Variants in MCU observed in about 807,000 individuals in gnomAD.
The protein encoded by MCU is mitochondrial calcium uniporter, also known as calcium uniporter protein, mitochondrial.
MCU carries 12 observed loss-of-function variants against 45.2 expected under a neutral mutation model. That is an observed-to-expected ratio of 0.27 (90% CI 0.17 to 0.43). The LOEUF (loss-of-function observed/expected upper bound fraction) is 0.43. MCU is among the 20% of genes least tolerant of loss of function. MCU has a pLI of 1.00. For synonymous variants in MCU, 160 were observed against 165.1 expected (o/e 0.97, Z 0.24); for missense variants, 324 against 436.7 (o/e 0.74, Z 2.30).
intron 6 of MCU, among the ~76,000 whole-genome samples, chr10:72,875,643 A>C (rs1845606099): frequency 6.6e-6 from 1 of 152,216 alleles, no homozygotes; most frequent in African/African-American, 2.4e-5. Context: ...TGTTACTATG[A>C]GTTGCTGTAC....
chr10:72,811,232 G>A (rs1844538852), intron 1 of MCU, among the ~76,000 whole-genome samples: 1 of 152,248 alleles, frequency 6.6e-6, no homozygotes, highest in South Asian at 2.1e-4. Flanking sequence ...TGCCTTTTCA[G>A]TTCGGTTGTG....
At chr10:72,749,333 A>T (rs942813148) in intron 1 of MCU, among the ~76,000 whole-genome samples, 1 of 152,048 alleles carries the variant, frequency 6.6e-6, no homozygotes, top group East Asian at 1.9e-4. Context: ...CAGAGATTTT[A>T]AATGAGTGAT....
rs531885120 is a variant in MCU, at chr10:72,692,997, A to G, written c.150+696A>G. The G allele has an allele frequency of 3.1e-5, 48 of 1,535,042 alleles. No homozygotes were observed. The South Asian group carries it at 4.4e-4, about 14-fold the overall frequency. On this transcript the variant is annotated intron_variant, in intron 1 of 7. Coordinates refer to ENST00000373053, the MANE Select transcript of MCU (RefSeq NM_138357.3). ...GCTTTTGGGGGTCCTTTCGAGGGCT[A>G]CTGTATAAGCGTGTTCACGCGTGCC...
intron 1 of MCU, among the ~76,000 whole-genome samples, chr10:72,773,599 C>A (rs1380462460): frequency 6.6e-6 from 1 of 152,050 alleles, no homozygotes; most frequent in Non-Finnish European, 1.5e-5. Context: ...TTTTTTAAAA[C>A]TTGAAAAAGA....
At chr10:72,778,231 T>C (rs1843926971) in intron 1 of MCU, among the ~76,000 whole-genome samples, 1 of 152,164 alleles carries the variant, frequency 6.6e-6, no homozygotes, top group Non-Finnish European at 1.5e-5. Flanking sequence ...ACTCCTATGT[T>C]TAATGCAGCA....
intron 1 of MCU, among the ~76,000 whole-genome samples, chr10:72,821,402 G>A (rs2132816070): frequency 6.6e-6 from 1 of 152,204 alleles, no homozygotes; most frequent in Non-Finnish European, 1.5e-5. Context: ...TTTGAATAAT[G>A]TGTATTCCTT....
At chr10:72,783,141 C>T (rs1844020548) in intron 1 of MCU, among the ~76,000 whole-genome samples, 1 of 152,170 alleles carries the variant, frequency 6.6e-6, no homozygotes, top group Non-Finnish European at 1.5e-5. Context: ...ATGAAACCAC[C>T]GCATTGTGTG....
At chr10:72,769,417 A>G (rs1175395689) in intron 1 of MCU, among the ~76,000 whole-genome samples, 1 of 152,098 alleles carries the variant, frequency 6.6e-6, no homozygotes, top group Non-Finnish European at 1.5e-5. Flanking sequence ...GAAAGGTTTT[A>G]ATATTGATGA....
chr10:72,731,226 C>T (rs557934638), intron 1 of MCU: 12 of 152,272 alleles, frequency 7.9e-5, no homozygotes, highest in African/African-American at 2.9e-4. Flanking sequence ...CCACACCTGG[C>T]TGCCTTATTC....
chr10:72,741,251 C>A (rs374655031), intron 1 of MCU, among the ~76,000 whole-genome samples: 1 of 152,088 alleles, frequency 6.6e-6, no homozygotes. Flanking sequence ...AGGCGCCCAC[C>A]ACCACACCCG....
rs575446263 is a variant in MCU, at chr10:72,773,468, G to T, written c.151-60891G>T. The stretch of plus-strand genomic sequence containing the variant: ...AGAACAAAGAATGAAAAGGAACAAA[G>T]ACTGTATATAAGATATAGAAAATTA... On this transcript the variant is annotated intron_variant, in intron 1 of 7. Coordinates refer to ENST00000373053, the MANE Select transcript of MCU (RefSeq NM_138357.3). Among the ~76,000 whole-genome samples, 27 of 152,160 alleles carry T rather than the reference G, an allele frequency of 1.8e-4. No individual in the cohort carries two copies. In the South Asian group the frequency reaches 5.6e-3, roughly 32 times the overall value.
chr10:72,776,840 G>A (rs959295564), intron 1 of MCU, among the ~76,000 whole-genome samples: 1 of 152,120 alleles, frequency 6.6e-6, no homozygotes, highest in African/African-American at 2.4e-5. Flanking sequence ...ACAAAAAATT[G>A]TTAACACTGA....
intron 1 of MCU, among the ~76,000 whole-genome samples, chr10:72,695,837 A>G (rs765143302): frequency 6.6e-6 from 1 of 151,290 alleles, no homozygotes; most frequent in African/African-American, 2.4e-5. Flanking sequence ...CGGCCTCCCC[A>G]AGTAATGTGC....
chr10:72,766,524 C>CTACTAGA (rs1299656076), intron 1 of MCU: 15 of 152,188 alleles, frequency 9.9e-5, no homozygotes, highest in African/African-American at 3.6e-4. Context: ...GCTGCTTGGA[C>CTACTAGA]TACTAGAACC....
At chr10:72,759,847 TAC>T (rs879594207) in intron 1 of MCU, among the ~76,000 whole-genome samples, 51 of 152,190 alleles carry the variant, frequency 3.4e-4, no homozygotes, top group African/African-American at 7.2e-4. Context: ...CGTGTGAGAA[TAC>T]AGTGTGAAGG....
chr10:72,848,061 C>T (rs1459224717), intron 2 of MCU, among the ~76,000 whole-genome samples: 2 of 152,086 alleles, frequency 1.3e-5, no homozygotes, highest in African/African-American at 2.4e-5. Context: ...GCAGACCAGC[C>T]CTGATTTGAT....
intron 4 of MCU, among the ~76,000 whole-genome samples, chr10:72,862,587 A>G (rs971287677): frequency 2.0e-5 from 3 of 152,162 alleles, no homozygotes; most frequent in Admixed American, 2.0e-4. Context: ...TTTGTGCCCT[A>G]TGAGATCTAA....
At chr10:72,810,984 T>C (rs1226784331) in intron 1 of MCU, among the ~76,000 whole-genome samples, 2 of 152,192 alleles carry the variant, frequency 1.3e-5, no homozygotes, top group Admixed American at 6.5e-5. Context: ...GCCTGGAGAA[T>C]ATTGAAAAGA....
In MCU at chr10:72,878,111, CTTTTTTTTTTTT is replaced by C. The variant is rs10715401; in HGVS notation, c.862-6141_862-6130del. 1.0e-4 allele frequency among the ~76,000 whole-genome samples: 8 copies of C among 77,952 alleles called. No individual in the cohort carries two copies. The East Asian group carries it at 2.3e-3, about 22-fold the overall frequency. The allele number at this position is 77,952 out of a possible 152,430, so 51.1% of individuals were successfully genotyped here. ...TAAATTATTTCTACAAATAATTTTGCTTTTTTTTTTTTTTTTTTTTTTTTTGAGACAGAGTCC... is the reference window on the plus strand; with the variant it reads ...TAAATTATTTCTACAAATAATTTTGCTTTTTTTTTTTTTGAGACAGAGTCC... On this transcript the variant is annotated intron_variant, in intron 6 of 7. Transcript: ENST00000373053.
Sources: gnomAD v4.1 joint callset for allele counts (sites outside exome capture counted in the v4.1 genomes callset) on GRCh38, gnomAD v4.1.1 for gene constraint, MANE v1.5 for transcripts, NCBI Gene and HGNC (gene_info 2026-07-23, HGNC 2026-07-21) for gene names.